JHY: variants seen among roughly 807,000 people sequenced by gnomAD.
JHY encodes jhy protein homolog.
A neutral mutation model predicts 78.0 loss-of-function variants in JHY; 69 were observed. That is an observed-to-expected ratio of 0.88 (90% CI 0.73 to 1.08). JHY has a LOEUF of 1.08. Ranked by LOEUF, JHY falls within the 50% of genes least tolerant of loss-of-function variation. The probability of loss-of-function intolerance (pLI) is 0.00; values close to 1 mark genes in which losing one functional copy is unlikely to be tolerated. For synonymous variants in JHY, 368 were observed against 342.6 expected (o/e 1.07, Z -0.82); for missense variants, 944 against 927.8 (o/e 1.02, Z -0.23).
At chr11:122,894,768 A>G (rs1862702912) in intron 2 of JHY, among the ~76,000 whole-genome samples, 1 of 152,224 alleles carries the variant, frequency 6.6e-6, no homozygotes. Flanking sequence ...AGAAAAAAAA[A>G]GGACTTTGGT....
At chr11:122,951,560 C>T (rs1864083579) in intron 6 of JHY, among the ~76,000 whole-genome samples, 1 of 152,214 alleles carries the variant, frequency 6.6e-6, no homozygotes, top group Non-Finnish European at 1.5e-5. Context: ...CACACTTACA[C>T]ATCTGAGGAA....
At chr11:122,886,834 A>G (rs1015127567) in intron 2 of JHY, among the ~76,000 whole-genome samples, 2 of 152,180 alleles carry the variant, frequency 1.3e-5, no homozygotes, top group African/African-American at 4.8e-5. Flanking sequence ...AATGTCAATA[A>G]AGTACAAATA....
rs542314111 is a variant in JHY, at chr11:122,896,021, A to C, written c.345-7904A>C. The stretch of plus-strand genomic sequence containing the variant: ...AGGGGATGTTTAAGATAGTCTTTTC[A>C]GGTGTAAATGGTGCAACGTAATTAA... On this transcript the variant is annotated intron_variant, in intron 2 of 8. Transcript: ENST00000227349. Among the ~76,000 whole-genome samples the C allele has an allele frequency of 1.0e-3, 156 of 152,322 alleles. 1 individual carries two copies. The highest frequency in any genetic ancestry group is 2.0e-3 in the Non-Finnish European group (137 of 68,024).
At chr11:122,889,039 G>A (rs1274113044) in intron 2 of JHY, among the ~76,000 whole-genome samples, 2 of 152,150 alleles carry the variant, frequency 1.3e-5, no homozygotes, top group Non-Finnish European at 2.9e-5. Context: ...GTGGAACTGT[G>A]GTTCATGGGC....
At chr11:122,914,664 C>T (rs570401501) in intron 3 of JHY, among the ~76,000 whole-genome samples, 8 of 152,004 alleles carry the variant, frequency 5.3e-5, no homozygotes, top group African/African-American at 1.2e-4. Flanking sequence ...AGGCTGGTCT[C>T]GAACTCCTGA....
rs188199967 is a variant in JHY, at chr11:122,952,160, G to C, written c.1930-4336G>C. On this transcript the variant is annotated intron_variant, in intron 6 of 8. Coordinates refer to ENST00000227349, the MANE Select transcript of JHY (RefSeq NM_024806.4). ...GGGCTGGAGGCGGAGGGGGCAAAGG[G>C]AGTAACTGCTAATGGGGACAGGATT... 7.6e-3 allele frequency among the ~76,000 whole-genome samples: 1,163 copies of C among 152,192 alleles called. 13 individuals carry two copies. The highest frequency in any genetic ancestry group is 0.026 in the African/African-American group (1,079 of 41,542).
chr11:122,956,922 CACTT>C (rs1461158728), intron 7 of JHY, among the ~76,000 whole-genome samples: 1 of 152,060 alleles, frequency 6.6e-6, no homozygotes, highest in Non-Finnish European at 1.5e-5. Context: ...ACAGAGAAGA[CACTT>C]ACGGGAAGAG....
intron 3 of JHY, 88 bp downstream of exon 3, chr11:122,904,532 G>C: frequency 7.0e-7 from 1 of 1,425,030 alleles, no homozygotes. Context: ...CTTCCTTTAA[G>C]ATGACGATGT....
At chr11:122,893,601 CAAG>C (rs1181349143) in intron 2 of JHY, among the ~76,000 whole-genome samples, 1 of 152,106 alleles carries the variant, frequency 6.6e-6, no homozygotes, top group African/African-American at 2.4e-5. Context: ...TCAAGAGGAT[CAAG>C]AAGATCATAA....
In JHY at chr11:122,904,520, C is replaced by G. The variant is rs1413915000; in HGVS notation, c.864+76C>G. 8.3e-6 allele frequency: 12 copies of G among 1,446,526 alleles called. No homozygotes were observed. In the Admixed American group the frequency reaches 2.4e-4, roughly 29 times the overall value. The allele number at this position is 1,446,526 out of a possible 1,614,324, so 89.6% of individuals were successfully genotyped here. Reference sequence around the variant, plus strand: ...GCGTTTGTTTGCAGTGTCTAGATATCGCTTCCTTTAAGATGACGATGTCAT... The same window carrying G: ...GCGTTTGTTTGCAGTGTCTAGATATGGCTTCCTTTAAGATGACGATGTCAT... On this transcript the variant is annotated intron_variant, in intron 3 of 8. Coordinates refer to ENST00000227349, the MANE Select transcript of JHY (RefSeq NM_024806.4).
intron 4 of JHY, chr11:122,926,920 A>G (rs1330230202): frequency 6.6e-6 from 1 of 152,242 alleles, no homozygotes; most frequent in Non-Finnish European, 1.5e-5. Flanking sequence ...TATTTAAATT[A>G]TTATAGAAAA....
chr11:122,919,717 G>A lies in JHY; in HGVS notation c.865-5180G>A, dbSNP rs1191327224. 2.6e-5 allele frequency among the ~76,000 whole-genome samples: 4 copies of A among 152,166 alleles called. No homozygotes were observed. In the East Asian group the frequency reaches 5.8e-4, roughly 22 times the overall value. On this transcript the variant is annotated intron_variant, in intron 3 of 8. Transcript: ENST00000227349. ...TTCGTGGCCAGGCACGGCGGCTCAC[G>A]CCTGTAATCCCAGCACTTTGGGAGG...
intron 2 of JHY, among the ~76,000 whole-genome samples, chr11:122,891,273 T>C (rs1259817388): frequency 1.3e-5 from 2 of 152,230 alleles, no homozygotes; most frequent in Admixed American, 1.3e-4. Context: ...CCTACACTTG[T>C]GTTTTGATGT....
Position 122,898,722 on chromosome 11 carries a change from T to A in JHY, c.345-5203T>A, listed in dbSNP as rs1862786504. ...AATCCCTTCCAGAAAGTCCTCACTT[T>A]GGCTGTCCAAATGTATTTACATCTT... On this transcript the variant is annotated intron_variant, in intron 2 of 8. Coordinates refer to ENST00000227349, the MANE Select transcript of JHY (RefSeq NM_024806.4). The surrounding 1 kb of genome is among the most constrained non-coding windows in gnomAD (Gnocchi z 4.4). Among the ~76,000 whole-genome samples, 1 of 152,266 alleles carries A rather than the reference T, an allele frequency of 6.6e-6. No individual in the cohort carries two copies. Among genetic ancestry groups the A allele is most frequent in the South Asian group, 2.1e-4 (1 of 4,830 alleles).
Position 122,959,560 on chromosome 11 carries a change from C to A in JHY, c.*115C>A. The A allele has an allele frequency of 1.0e-6, 1 of 1,001,672 alleles. No homozygotes were observed. The highest frequency in any genetic ancestry group is 1.4e-6 in the Non-Finnish European group (1 of 690,082). The allele number at this position is 1,001,672 out of a possible 1,614,324, so 62.0% of individuals were successfully genotyped here. On this transcript the variant is annotated 3_prime_UTR_variant, in exon 9 of 9. Coordinates refer to ENST00000227349, the MANE Select transcript of JHY (RefSeq NM_024806.4). ...TGGCCTATTATTATCATCTATCTGC[C>A]GTCCATGTTTGCTTTCTGCAGGATT...
At chr11:122,895,040 G>A (rs577833594) in intron 2 of JHY, among the ~76,000 whole-genome samples, 10 of 151,886 alleles carry the variant, frequency 6.6e-5, no homozygotes, top group Non-Finnish European at 1.2e-4. Context: ...TTAATCTTTC[G>A]GATTTATTTC....
intron 2 of JHY, among the ~76,000 whole-genome samples, chr11:122,890,062 T>G (rs1862578578): frequency 6.6e-6 from 1 of 151,650 alleles, no homozygotes; most frequent in African/African-American, 2.4e-5. Context: ...TTCTTGTTTT[T>G]TTTTTTCCAA....
chr11:122,908,785 G>A (rs1863047821), intron 3 of JHY, among the ~76,000 whole-genome samples: 1 of 152,008 alleles, frequency 6.6e-6, no homozygotes, highest in African/African-American at 2.4e-5. Context: ...TGCAGCCTCC[G>A]CCTCCCAGGT....
At chr11:122,892,536 A>G (rs1225363496) in intron 2 of JHY, among the ~76,000 whole-genome samples, 2 of 151,978 alleles carry the variant, frequency 1.3e-5, no homozygotes, top group Non-Finnish European at 2.9e-5. Flanking sequence ...GTTAGTCAGG[A>G]TGGTCTTGAT....
Sources: allele counts gnomAD v4.1 joint callset (sites outside exome capture counted in the v4.1 genomes callset), GRCh38; gene constraint gnomAD v4.1.1; non-coding constraint Gnocchi (gnomAD v3.1); transcripts MANE v1.5; gene names NCBI Gene and HGNC (gene_info 2026-07-23, HGNC 2026-07-21).